DEF6: variants seen among roughly 807,000 people sequenced by gnomAD.
DEF6 encodes differentially expressed in FDCP 6 homolog.
A neutral mutation model predicts 80.5 loss-of-function variants in DEF6; 32 were observed. The ratio of observed to expected loss-of-function variants is 0.40; its 90% CI spans 0.30 to 0.53. DEF6 has a LOEUF of 0.53. Ranked by LOEUF, DEF6 falls within the 20% of genes least tolerant of loss-of-function variation. The probability of loss-of-function intolerance (pLI) is 0.57; values close to 1 mark genes in which losing one functional copy is unlikely to be tolerated. For synonymous variants in DEF6, 300 were observed against 337.9 expected (o/e 0.89, Z 1.23); for missense variants, 575 against 818.7 (o/e 0.70, Z 3.63).
chr6:35,313,071 TC>T (rs1233342482), intron 5 of DEF6, among the ~76,000 whole-genome samples: 3 of 152,172 alleles, frequency 2.0e-5, no homozygotes, highest in Non-Finnish European at 4.4e-5. Context: ...TTTCTAAAAA[TC>T]CCTTTTAAAG....
intron 5 of DEF6, among the ~76,000 whole-genome samples, chr6:35,313,008 A>G (rs9469989): frequency 0.074 from 11,249 of 152,220 alleles, 1,121 homozygotes; most frequent in African/African-American, 0.23. Flanking sequence ...ATAATATGGA[A>G]TTTGCTCAAG....
At chr6:35,304,571 G>T (rs1404225955) in intron 1 of DEF6, among the ~76,000 whole-genome samples, 11 of 152,222 alleles carry the variant, frequency 7.2e-5, no homozygotes, top group Admixed American at 6.5e-4. Flanking sequence ...GTCAGAGAAG[G>T]TGCAGCAGGC....
chr6:35,321,092 A>G, intron 10 of DEF6, 95 bp from the exon 11 acceptor site: 1 of 1,554,890 alleles, frequency 6.4e-7, no homozygotes, highest in Non-Finnish European at 8.8e-7. Context: ...ACTGGCAGTC[A>G]GGAGGCTCCC....
rs1448008449 is a variant in DEF6, at chr6:35,318,811, T to C, written c.1215+340T>C. ...AAGACCGTGTGATTGGGGATTAGACTGGACCAAGTTTGGACTAGACTTGAA... is the reference window on the plus strand; with the variant it reads ...AAGACCGTGTGATTGGGGATTAGACCGGACCAAGTTTGGACTAGACTTGAA... On this transcript the variant is annotated intron_variant, in intron 7 of 10. Transcript: ENST00000316637. The surrounding 1 kb of genome is among the most constrained non-coding windows in gnomAD (Gnocchi z 5.1). Among the ~76,000 whole-genome samples, 2 of 152,138 alleles carry C rather than the reference T, an allele frequency of 1.3e-5. No homozygotes were observed. Among genetic ancestry groups the C allele is most frequent in the African/African-American group, 4.8e-5 (2 of 41,410 alleles).
chr6:35,303,325 G>GA (rs977570170), intron 1 of DEF6, among the ~76,000 whole-genome samples: 1 of 152,154 alleles, frequency 6.6e-6, no homozygotes, highest in African/African-American at 2.4e-5. Context: ...CTGGGTCGGG[G>GA]AGGGCATTCA....
In DEF6 at chr6:35,321,112, G is replaced by A. The variant is rs1328519683; in HGVS notation, c.1673-75G>A. The A allele has an allele frequency of 2.0e-5, 31 of 1,574,116 alleles. No homozygotes were observed. The South Asian group carries it at 3.5e-4, about 18-fold the overall frequency. ...CAGTCAGGAGGCTCCCCTCTCCTCTGAGGGCTGAGGCAAGGCCCCTCGCCT... is the reference window on the plus strand; with the variant it reads ...CAGTCAGGAGGCTCCCCTCTCCTCTAAGGGCTGAGGCAAGGCCCCTCGCCT... On this transcript the variant is annotated intron_variant, in intron 10 of 10. Transcript: ENST00000316637.
Position 35,320,945 on chromosome 6 carries a change from A to G in DEF6, c.1643A>G (p.Asn548Ser). The change falls in exon 10 of 11, where the codon AAC becomes AGC. Residue 548 changes from asparagine to serine, a missense_variant. Asn to Ser is a conservative substitution (Grantham distance 46). Transcript: ENST00000316637. ...GTGAAACACTGGAATGTCCAGATGA[A>G]CCGGCTGATGCATCCAATTGAGCCT... ...TNVKHWNVQM[N>S]RLMHPIEPGD... The G allele has an allele frequency of 6.2e-7, 1 of 1,612,872 alleles. No individual in the cohort carries two copies.
intron 1 of DEF6, among the ~76,000 whole-genome samples, chr6:35,304,796 T>C (rs1791368846): frequency 6.6e-6 from 1 of 151,806 alleles, no homozygotes; most frequent in Admixed American, 6.5e-5. Context: ...ACACAAACAG[T>C]GAACAGCAAA....
At chr6:35,299,816 G>A (rs1307424266) in intron 1 of DEF6, among the ~76,000 whole-genome samples, 1 of 152,014 alleles carries the variant, frequency 6.6e-6, no homozygotes, top group African/African-American at 2.4e-5. Flanking sequence ...AAATGGCGGG[G>A]CTCCTTTCAA....
intron 5 of DEF6, among the ~76,000 whole-genome samples, chr6:35,313,998 A>C (rs1791496542): frequency 6.6e-6 from 1 of 152,178 alleles, no homozygotes; most frequent in African/African-American, 2.4e-5. Context: ...TTCTATTTTT[A>C]GTTTTTTGAG....
chr6:35,297,972 C>G lies in DEF6; in HGVS notation c.96+20C>G. ...CTCAAGGTGAGGGGCACCCGGGACCCGGGGGAGGACGGCAGATGCACCACA... is the reference window on the plus strand; with the variant it reads ...CTCAAGGTGAGGGGCACCCGGGACCGGGGGGAGGACGGCAGATGCACCACA... On this transcript the variant is annotated intron_variant, in intron 1 of 10. Coordinates refer to ENST00000316637, the MANE Select transcript of DEF6 (RefSeq NM_022047.4). 1.3e-6 allele frequency: 2 copies of G among 1,569,966 alleles called. No homozygotes were observed. Among genetic ancestry groups the G allele is most frequent in the Non-Finnish European group, 1.7e-6 (2 of 1,157,112 alleles).
At chr6:35,310,404 A>T in intron 2 of DEF6, 55 bp from the exon 3 acceptor site, 1 of 1,586,112 alleles carries the variant, frequency 6.3e-7, no homozygotes, top group Non-Finnish European at 8.6e-7. Flanking sequence ...GCTGGAGCCT[A>T]GTGTCGTGGT....
intron 5 of DEF6, among the ~76,000 whole-genome samples, chr6:35,315,348 G>A (rs1276308249): frequency 6.6e-6 from 1 of 152,084 alleles, no homozygotes; most frequent in African/African-American, 2.4e-5. Flanking sequence ...GTACCACCGT[G>A]GCCAGTTCGT....
chr6:35,307,084 T>C (rs992093680), intron 1 of DEF6, among the ~76,000 whole-genome samples: 1 of 152,222 alleles, frequency 6.6e-6, no homozygotes, highest in Non-Finnish European at 1.5e-5. Context: ...CCCATGAGTG[T>C]CTGTAGGTTG....
At chr6:35,301,960 C>G (rs1791320954) in intron 1 of DEF6, among the ~76,000 whole-genome samples, 1 of 152,086 alleles carries the variant, frequency 6.6e-6, no homozygotes, top group Admixed American at 6.5e-5. Context: ...CTCCTGACCT[C>G]AGGTGATCCA....
intron 3 of DEF6, among the ~76,000 whole-genome samples, chr6:35,311,610 G>A (rs903336779): frequency 3.9e-5 from 6 of 152,204 alleles, no homozygotes; most frequent in African/African-American, 9.6e-5. Context: ...TGCCAGTCAG[G>A]GCAAGGTGGC....
In DEF6 at chr6:35,319,280, T is replaced by C. The variant is rs897032059; in HGVS notation, c.1216-244T>C. 6.6e-5 allele frequency among the ~76,000 whole-genome samples: 10 copies of C among 152,034 alleles called. No individual in the cohort carries two copies. The highest frequency in any genetic ancestry group is 2.4e-4 in the African/African-American group (10 of 41,364). On this transcript the variant is annotated intron_variant, in intron 7 of 10. Transcript: ENST00000316637. This position sits in a 1 kb window ranked among gnomAD's most constrained non-coding sequence, Gnocchi z 4.5. ...TGTTTAATTACATGTTATATAATTA[T>C]GATTAAGGTTGGTACTAGGAAGGAA... is the stretch of plus-strand genomic sequence containing the variant.
chr6:35,320,134 CTT>C, intron 9 of DEF6, 117 bp downstream of exon 9: 1 of 1,032,940 alleles, frequency 9.7e-7, no homozygotes, highest in South Asian at 1.6e-5. Flanking sequence ...GGCTGTGTGA[CTT>C]TGGACAAATG....
rs150548448 is a variant in DEF6 at position 35,313,051 on chromosome 6, A to C, written c.807+279A>C. Among the ~76,000 whole-genome samples, 27 of 152,278 alleles carry C rather than the reference A, an allele frequency of 1.8e-4. No individual in the cohort carries two copies. In the East Asian group the frequency reaches 4.8e-3, roughly 27 times the overall value. The stretch of plus-strand genomic sequence containing the variant: ...AGGAAGTGGCTTATATCTATACTAC[A>C]CAGCAAATCTTTCTAAAAATCCCTT... On this transcript the variant is annotated intron_variant, in intron 5 of 10. Coordinates refer to ENST00000316637, the MANE Select transcript of DEF6 (RefSeq NM_022047.4).
Sources: gnomAD v4.1 joint callset for allele counts (sites outside exome capture counted in the v4.1 genomes callset) on GRCh38, gnomAD v4.1.1 for gene constraint, Gnocchi (gnomAD v3.1) non-coding constraint, MANE v1.5 for transcripts, NCBI Gene and HGNC (gene_info 2026-07-23, HGNC 2026-07-21) for gene names.